LINC00632: variants seen among roughly 807,000 people sequenced by gnomAD.
LINC00632 encodes long independently transcribed non-coding RNA 632, also known as ALDOA related specific transcript.
exon 5 of LINC00632, chrX:140,782,299 C>A (rs1931945238): frequency 8.9e-6 from 1 of 112,042 alleles, no homozygotes; most frequent in African/African-American, 3.2e-5. Flanking sequence ...TCTTCAGTTT[C>A]TCTAACTCAA....
chrX:140,776,733 C>T lies in LINC00632; in HGVS notation n.4752C>T, dbSNP rs1381513774. On this transcript the variant is annotated non_coding_transcript_exon_variant, in exon 5 of 5. Coordinates refer to ENST00000648200, the Ensembl canonical transcript of LINC00632. ...TTAACCACTGTGGAAGACAGTGTGG[C>T]GATTCCTCAAGGATCTAGAACCAGA... Among the ~76,000 whole-genome samples, 4 of 111,577 alleles carry T rather than the reference C, an allele frequency of 3.6e-5. No homozygotes were observed. The East Asian group carries it at 8.5e-4, about 24-fold the overall frequency.
chrX:140,721,413 G>A (rs771074417), intron 2 of LINC00632, among the ~76,000 whole-genome samples: 2 of 111,538 alleles, frequency 1.8e-5, no homozygotes, highest in South Asian at 3.8e-4. Flanking sequence ...GGGAGGGGTG[G>A]TTTTGGGATG....
exon 4 of LINC00632, among the ~76,000 whole-genome samples, chrX:140,773,761 A>T (rs769232786): frequency 6.3e-5 from 7 of 111,659 alleles, no homozygotes; most frequent in Non-Finnish European, 9.4e-5. Flanking sequence ...CATCTCCATT[A>T]CCCCCAGTAC....
chrX:140,750,179 A>C (rs1238508939), intron 3 of LINC00632, among the ~76,000 whole-genome samples: 1 of 111,154 alleles, frequency 9.0e-6, no homozygotes, highest in South Asian at 3.8e-4. Context: ...ATAGAAGATA[A>C]ATACTGTTTT....
chrX:140,742,003 C>T (rs1275098678), intron 3 of LINC00632, among the ~76,000 whole-genome samples: 3 of 111,979 alleles, frequency 2.7e-5, no homozygotes, highest in Non-Finnish European at 5.6e-5. Flanking sequence ...TTCGGCATTG[C>T]TGGCAAAATG....
exon 5 of LINC00632, among the ~76,000 whole-genome samples, chrX:140,790,256 G>A (rs1207149442): frequency 9.0e-6 from 1 of 110,632 alleles, no homozygotes; most frequent in Non-Finnish European, 1.9e-5. Context: ...TGTTTCTATG[G>A]TACAAAGTAG....
intron 2 of LINC00632, among the ~76,000 whole-genome samples, chrX:140,725,712 A>G (rs762897497): frequency 2.7e-5 from 3 of 111,765 alleles, no homozygotes; most frequent in Non-Finnish European, 5.6e-5. Context: ...GCCATGATAT[A>G]CAGACTTGGC....
exon 5 of LINC00632, chrX:140,783,552 A>G (rs752561123): frequency 8.5e-7 from 1 of 1,173,754 alleles, no homozygotes; most frequent in South Asian, 2.0e-5. Context: ...CAAGTCTTCC[A>G]GTAAATCTAG....
intron 3 of LINC00632, among the ~76,000 whole-genome samples, chrX:140,768,330 T>C (rs990142714): frequency 9.1e-6 from 1 of 109,384 alleles, no homozygotes; most frequent in African/African-American, 3.3e-5. Flanking sequence ...TTGATAATGC[T>C]TCATTCAAGG....
At chrX:140,730,768 T>G (rs17002481) in intron 2 of LINC00632, among the ~76,000 whole-genome samples, 7,323 of 111,506 alleles carry the variant, frequency 0.066, 273 homozygotes, top group African/African-American at 0.14. Context: ...CTCTAGAACA[T>G]TCAGATTCAC....
At chrX:140,767,299 A>G (rs2148399077) in intron 3 of LINC00632, among the ~76,000 whole-genome samples, 1 of 111,775 alleles carries the variant, frequency 8.9e-6, no homozygotes, top group African/African-American at 3.2e-5. Flanking sequence ...TGTATTAAAT[A>G]TTAAGTGAGT....
At chrX:140,735,674 CT>C (rs1263925218) in intron 3 of LINC00632, among the ~76,000 whole-genome samples, 1 of 111,057 alleles carries the variant, frequency 9.0e-6, no homozygotes, top group African/African-American at 3.3e-5. Flanking sequence ...TCAAGCGATT[CT>C]CCTGCCTCAG....
At chrX:140,772,375 G>T in exon 4 of LINC00632, 1 of 296,156 alleles carries the variant, frequency 3.4e-6, no homozygotes, top group Non-Finnish European at 5.9e-6. Context: ...CTTTTTATTT[G>T]TCTTGTGAAT....
chrX:140,749,192 A>G (rs1273566190), intron 3 of LINC00632, among the ~76,000 whole-genome samples: 4 of 111,090 alleles, frequency 3.6e-5, no homozygotes, highest in African/African-American at 1.3e-4. Flanking sequence ...GAGTGTAAAA[A>G]CAGGTGGTTT....
chrX:140,786,418 G>A (rs1407548545), exon 5 of LINC00632, among the ~76,000 whole-genome samples: 1 of 111,481 alleles, frequency 9.0e-6, no homozygotes, highest in Admixed American at 9.6e-5. Flanking sequence ...CATTCCTAAA[G>A]AAGTAATATT....
chrX:140,728,569 CCCACGAGG>C (rs1931005416), intron 2 of LINC00632, among the ~76,000 whole-genome samples: 1 of 110,800 alleles, frequency 9.0e-6, no homozygotes, highest in South Asian at 3.9e-4. Context: ...GCAGCCTCAC[CCCACGAGG>C]TACCCTTGAC....
At chrX:140,717,460 C>T (rs1193346394) in intron 2 of LINC00632, among the ~76,000 whole-genome samples, 1 of 110,700 alleles carries the variant, frequency 9.0e-6, no homozygotes, top group Non-Finnish European at 1.9e-5. Flanking sequence ...CACCCCTAAA[C>T]ACAAAACCAT....
chrX:140,757,188 A>G (rs1931507763), intron 3 of LINC00632, among the ~76,000 whole-genome samples: 1 of 111,792 alleles, frequency 8.9e-6, no homozygotes, highest in Non-Finnish European at 1.9e-5. Flanking sequence ...AACTCAGCCT[A>G]CTTGGATTGC....
chrX:140,775,665 T>C (rs1255793277), exon 5 of LINC00632, among the ~76,000 whole-genome samples: 1 of 111,861 alleles, frequency 8.9e-6, no homozygotes, highest in African/African-American at 3.3e-5. Context: ...AGATAATTCA[T>C]TGGCATGTGC....
Sources: gnomAD v4.1 joint callset for allele counts (sites outside exome capture counted in the v4.1 genomes callset) on GRCh38, gnomAD v4.1.1 for gene constraint, MANE v1.5 for transcripts, NCBI Gene and HGNC (gene_info 2026-07-23, HGNC 2026-07-21) for gene names.